PRKN: variants seen among roughly 807,000 people sequenced by gnomAD.
PRKN encodes E3 ubiquitin-protein ligase parkin.
A neutral mutation model predicts 59.5 loss-of-function variants in PRKN; 56 were observed. That is an observed-to-expected ratio of 0.94 (90% CI 0.76 to 1.18). The LOEUF (loss-of-function observed/expected upper bound fraction) is 1.18. PRKN is among the 50% of genes most tolerant of loss of function. The pLI, the probability that PRKN is intolerant of heterozygous loss-of-function variation, is 0.00. For missense variants in PRKN, 657 were observed against 596.4 expected (o/e 1.10, Z -1.06); for synonymous variants, 250 against 222.1 (o/e 1.13, Z -1.12).
chr6:162,014,991 T>C (rs1782880645), intron 5 of PRKN, among the ~76,000 whole-genome samples: 1 of 152,192 alleles, frequency 6.6e-6, no homozygotes, highest in African/African-American at 2.4e-5. Context: ...TAATATCATA[T>C]TGTTGAAAGA....
At chr6:162,556,991 AG>A (rs1779632938) in intron 1 of PRKN, among the ~76,000 whole-genome samples, 1 of 152,166 alleles carries the variant, frequency 6.6e-6, no homozygotes, top group Admixed American at 6.5e-5. Context: ...TTAAACAATT[AG>A]ATGTGTATCT....
At chr6:161,837,399 T>C (rs1792803019) in intron 6 of PRKN, among the ~76,000 whole-genome samples, 1 of 152,216 alleles carries the variant, frequency 6.6e-6, no homozygotes, top group Non-Finnish European at 1.5e-5. Context: ...TTCAGTTCAC[T>C]TACAGTGAGA....
chr6:162,494,306 A>G (rs1340920360), intron 1 of PRKN, among the ~76,000 whole-genome samples: 1 of 152,122 alleles, frequency 6.6e-6, no homozygotes, highest in Non-Finnish European at 1.5e-5. Context: ...GCCTTTCCTC[A>G]ACATCTCTGA....
intron 1 of PRKN, among the ~76,000 whole-genome samples, chr6:162,501,933 T>C (rs1793393760): frequency 6.6e-6 from 1 of 152,102 alleles, no homozygotes; most frequent in South Asian, 2.1e-4. Flanking sequence ...ACATGATATA[T>C]TGATGTAATG....
chr6:162,216,398 C>CG (rs1307614781), intron 3 of PRKN, among the ~76,000 whole-genome samples: 1 of 151,158 alleles, frequency 6.6e-6, no homozygotes, highest in Non-Finnish European at 1.5e-5. Context: ...GGCGCGGTGG[C>CG]GGGCGCCTGT....
chr6:161,799,183 T>C (rs372503656), intron 6 of PRKN, among the ~76,000 whole-genome samples: 1 of 152,232 alleles, frequency 6.6e-6, no homozygotes, highest in Non-Finnish European at 1.5e-5. Flanking sequence ...TATCAGGACA[T>C]GTTTGCTTAT....
At chr6:162,314,181 T>A (rs1345750858) in intron 2 of PRKN, among the ~76,000 whole-genome samples, 2 of 152,010 alleles carry the variant, frequency 1.3e-5, no homozygotes, top group Admixed American at 1.3e-4. Context: ...CAGACAGAGA[T>A]TAGTAATCCC....
intron 7 of PRKN, among the ~76,000 whole-genome samples, chr6:161,683,652 C>T (rs560108091): frequency 5.3e-5 from 8 of 152,208 alleles, no homozygotes; most frequent in East Asian, 1.9e-4. Flanking sequence ...TGGTGTGGGG[C>T]GAACTGGAGT....
rs983152067 is a variant in PRKN, at chr6:161,400,139, C to G, written c.1084-13262G>C. 6.6e-6 allele frequency among the ~76,000 whole-genome samples: 1 copy of G among 152,008 alleles called. No individual in the cohort carries two copies. The highest frequency in any genetic ancestry group is 6.6e-5 in the Admixed American group (1 of 15,266). ...CTAGTGGCCACCATGCTGGCCACCA[C>G]GCTGGACTGCGCAGGTCTACAAGGA... On this transcript the variant is annotated intron_variant, in intron 9 of 11. Transcript: ENST00000366898. This position sits in a 1 kb window ranked among gnomAD's most constrained non-coding sequence, Gnocchi z 4.2.
chr6:162,466,625 C>T (rs562115592), intron 1 of PRKN, among the ~76,000 whole-genome samples: 3 of 151,914 alleles, frequency 2.0e-5, no homozygotes, highest in African/African-American at 7.2e-5. Flanking sequence ...CCAGGCTGGT[C>T]TCATATGCCT....
chr6:162,456,682 G>C (rs1308900397), intron 1 of PRKN, among the ~76,000 whole-genome samples: 1 of 152,138 alleles, frequency 6.6e-6, no homozygotes, highest in African/African-American at 2.4e-5. Flanking sequence ...TACAGGGTTA[G>C]GTTCCTTTGA....
intron 7 of PRKN, among the ~76,000 whole-genome samples, chr6:161,730,747 T>C (rs1054690960): frequency 3.8e-4 from 58 of 152,276 alleles, no homozygotes; most frequent in Non-Finnish European, 6.3e-4. Context: ...TTCTGATATA[T>C]TGCATTCTGA....
At chr6:162,479,335 C>G (rs1643174665) in intron 1 of PRKN, among the ~76,000 whole-genome samples, 1 of 151,968 alleles carries the variant, frequency 6.6e-6, no homozygotes, top group African/African-American at 2.4e-5. Context: ...AGGAGATTCT[C>G]CTGCCTCAGT....
intron 4 of PRKN, among the ~76,000 whole-genome samples, chr6:162,153,424 G>A (rs891021947): frequency 6.6e-6 from 1 of 152,220 alleles, no homozygotes; most frequent in Admixed American, 6.5e-5. Flanking sequence ...CAGAGGGCAT[G>A]TTACAATGCT....
intron 1 of PRKN, among the ~76,000 whole-genome samples, chr6:162,610,950 T>C (rs923185026): frequency 6.6e-6 from 1 of 152,154 alleles, no homozygotes; most frequent in East Asian, 1.9e-4. Flanking sequence ...TACATAAGTA[T>C]AATGAGTAGA....
intron 9 of PRKN, among the ~76,000 whole-genome samples, chr6:161,522,732 T>C (rs778089701): frequency 5.9e-4 from 90 of 152,238 alleles, no homozygotes; most frequent in Admixed American, 9.8e-4. Flanking sequence ...GACAGCAGCA[T>C]TGTCCTATCT....
In PRKN at chr6:162,076,306, G is replaced by A. The variant is rs149944835; in HGVS notation, c.535-22132C>T. Among the ~76,000 whole-genome samples, 596 of 152,206 alleles carry A rather than the reference G, an allele frequency of 3.9e-3. 7 individuals are homozygous for A. The highest frequency in any genetic ancestry group is 0.014 in the African/African-American group (565 of 41,504). The stretch of plus-strand genomic sequence containing the variant: ...TCTTAATCCAAAAAAAACCAAATAA[G>A]ATTTGGCCAAAAGAAGAGTCACTTT... On this transcript the variant is annotated intron_variant, in intron 4 of 11. Transcript: ENST00000366898.
At chr6:162,073,228 A>T (rs748415804) in intron 4 of PRKN, among the ~76,000 whole-genome samples, 3 of 152,238 alleles carry the variant, frequency 2.0e-5, no homozygotes, top group Non-Finnish European at 2.9e-5. Context: ...TACTCACTTT[A>T]TAACAACCCC....
rs1014751382 is a variant in PRKN at position 161,525,531 on chromosome 6, T to C, written c.1083+23323A>G. 8.5e-5 allele frequency among the ~76,000 whole-genome samples: 13 copies of C among 152,274 alleles called. 1 individual carries two copies. In the East Asian group the frequency reaches 2.5e-3, roughly 29 times the overall value. ...TGCTGCATGAATTTAAGGGATGTTT[T>C]TATTATAAGATCAGAGAAGGAAAAA... On this transcript the variant is annotated intron_variant, in intron 9 of 11. Transcript: ENST00000366898. This position sits in a 1 kb window ranked among gnomAD's most constrained non-coding sequence, Gnocchi z 4.7.
Sources: gnomAD v4.1 joint callset for allele counts (sites outside exome capture counted in the v4.1 genomes callset) on GRCh38, gnomAD v4.1.1 for gene constraint, Gnocchi (gnomAD v3.1) non-coding constraint, MANE v1.5 for transcripts, NCBI Gene and HGNC (gene_info 2026-07-23, HGNC 2026-07-21) for gene names.